The following TMTC2 variants were observed in gnomAD, a reference collection of about 807,000 sequenced individuals.
TMTC2 encodes the protein transmembrane O-mannosyltransferase targeting cadherins 2, also known as protein O-mannosyl-transferase TMTC2.
In TMTC2, 43 loss-of-function variants were observed where a neutral mutation model predicts 82.4. The ratio of observed to expected loss-of-function variants is 0.52; its 90% CI spans 0.41 to 0.67. The LOEUF (loss-of-function observed/expected upper bound fraction) is 0.67, where lower values mean the gene tolerates loss of function less well. Ranked by LOEUF, TMTC2 falls within the 30% of genes least tolerant of loss-of-function variation. The probability of loss-of-function intolerance (pLI) is 0.00; values close to 1 mark genes in which losing one functional copy is unlikely to be tolerated. For synonymous variants in TMTC2, 408 were observed against 381.9 expected, an observed-to-expected ratio of 1.07 and a Z score of -0.80; for missense variants, 919 against 1,012.4, an observed-to-expected ratio of 0.91 and a Z score of 1.25.
intron 8 of TMTC2, among the ~76,000 whole-genome samples, chr12:83,028,156 A>G (rs1054594299): frequency 3.9e-5 from 6 of 152,206 alleles, no homozygotes; most frequent in African/African-American, 1.4e-4. Flanking sequence ...GTCATTTATA[A>G]CTGCATTTTT....
intron 9 of TMTC2, among the ~76,000 whole-genome samples, chr12:83,045,756 G>GGCTC (rs1353696232): frequency 1.7e-5 from 1 of 58,964 alleles, no homozygotes; most frequent in Non-Finnish European, 3.2e-5. Flanking sequence ...CACACACCAG[G>GGCTC]AGTGTCTGGC....
chr12:83,085,242 T>C (rs949230005), intron 11 of TMTC2, among the ~76,000 whole-genome samples: 1 of 152,224 alleles, frequency 6.6e-6, no homozygotes, highest in African/African-American at 2.4e-5. Flanking sequence ...ACTATGCCTC[T>C]GAGAAAAGGT....
chr12:82,988,224 C>A (rs1363572677), intron 8 of TMTC2, among the ~76,000 whole-genome samples: 1 of 152,060 alleles, frequency 6.6e-6, no homozygotes, highest in Admixed American at 6.5e-5. Flanking sequence ...ATTTTTGCAA[C>A]TCAGAAAGCA....
At chr12:82,749,023 G>A (rs1221401949) in intron 1 of TMTC2, among the ~76,000 whole-genome samples, 1 of 152,176 alleles carries the variant, frequency 6.6e-6, no homozygotes, top group Non-Finnish European at 1.5e-5. Flanking sequence ...GTTTTTAGTG[G>A]TAGTTAAATG....
At chr12:82,982,408 CT>C (rs564106721) in intron 7 of TMTC2, among the ~76,000 whole-genome samples, 2 of 145,956 alleles carry the variant, frequency 1.4e-5, no homozygotes, top group African/African-American at 5.0e-5. Flanking sequence ...ATTGAGTTAC[CT>C]TTTTTTAACA....
rs780731300 is a variant in TMTC2 at position 82,896,390 on chromosome 12, G to A, written c.1227G>A (p.Thr409=). ...TAATCATACCCTTTGTTCCTGCCAC[G>A]AACCTGTTTTTCTATGTCGGCTTTG... ...SLLIIPFVPA[T]NLFFYVGFVI... is the part of the protein sequence containing the mutation. Residue 409 remains threonine, a synonymous_variant, in exon 3 of 12, where the codon ACG becomes ACA. Coordinates refer to ENST00000321196, the MANE Select transcript of TMTC2 (RefSeq NM_152588.3). 40 of 1,613,922 alleles carry A rather than the reference G, an allele frequency of 2.5e-5. No homozygotes were observed. Among genetic ancestry groups the A allele is most frequent in the Middle Eastern group, 1.6e-4 (1 of 6,084 alleles).
At chr12:82,798,807 CAAAA>C (rs544522111) in intron 1 of TMTC2, among the ~76,000 whole-genome samples, 3 of 88,368 alleles carry the variant, frequency 3.4e-5, no homozygotes, top group African/African-American at 4.4e-5. Context: ...AACTCCGTCT[CAAAA>C]AAAAAAAAAA....
intron 8 of TMTC2, among the ~76,000 whole-genome samples, chr12:83,006,345 T>G (rs1880203155): frequency 6.6e-6 from 1 of 152,198 alleles, no homozygotes; most frequent in Non-Finnish European, 1.5e-5. Context: ...GAGAGGCTCT[T>G]CCTGGGTGTG....
At chr12:83,127,923 A>C (rs1885145089) in intron 11 of TMTC2, among the ~76,000 whole-genome samples, 1 of 152,120 alleles carries the variant, frequency 6.6e-6, no homozygotes, top group Admixed American at 6.6e-5. Context: ...ATATATATCA[A>C]AAATATATCA....
chr12:82,875,098 G>C (rs1417425783), intron 2 of TMTC2, among the ~76,000 whole-genome samples: 2 of 152,104 alleles, frequency 1.3e-5, no homozygotes, highest in Non-Finnish European at 2.9e-5. Context: ...CAGACAAAGA[G>C]TGTGGTTGTG....
intron 1 of TMTC2, among the ~76,000 whole-genome samples, chr12:82,846,495 G>T (rs976007167): frequency 6.6e-6 from 1 of 152,126 alleles, no homozygotes; most frequent in African/African-American, 2.4e-5. Context: ...TTTAGCTGCA[G>T]CTGGGGCCAT....
At chr12:82,814,785 A>C (rs987540609) in intron 1 of TMTC2, among the ~76,000 whole-genome samples, 1 of 152,306 alleles carries the variant, frequency 6.6e-6, no homozygotes, top group South Asian at 2.1e-4. Context: ...GAGGAACATT[A>C]TTTTAGGAAG....
chr12:83,006,454 G>A (rs1372599179), intron 8 of TMTC2, among the ~76,000 whole-genome samples: 1 of 151,698 alleles, frequency 6.6e-6, no homozygotes, highest in Non-Finnish European at 1.5e-5. Context: ...TTTGTTATTC[G>A]AATCTTCTTT....
At chr12:82,696,261 A>G (rs573258118) in intron 1 of TMTC2, among the ~76,000 whole-genome samples, 1 of 152,370 alleles carries the variant, frequency 6.6e-6, no homozygotes, top group South Asian at 2.1e-4. Flanking sequence ...GCTGATAGGA[A>G]AAACTGGTAT....
chr12:82,888,795 A>G (rs1308175270), intron 2 of TMTC2, among the ~76,000 whole-genome samples: 1 of 152,102 alleles, frequency 6.6e-6, no homozygotes, highest in Non-Finnish European at 1.5e-5. Flanking sequence ...TCTAGAAGAG[A>G]GTGTTTTGAT....
At chr12:82,964,405 G>A (rs1227042153) in intron 4 of TMTC2, among the ~76,000 whole-genome samples, 1 of 152,024 alleles carries the variant, frequency 6.6e-6, no homozygotes, top group Non-Finnish European at 1.5e-5. Context: ...TCAGAACAGT[G>A]AACTGAAATT....
intron 1 of TMTC2, among the ~76,000 whole-genome samples, chr12:82,783,645 T>C: frequency 6.6e-6 from 1 of 152,126 alleles, no homozygotes; most frequent in East Asian, 1.9e-4. Context: ...ATGTGTTTAA[T>C]GCAAATCCGG....
intron 3 of TMTC2, among the ~76,000 whole-genome samples, chr12:82,900,831 AAT>A (rs1171636694): frequency 7.7e-6 from 1 of 130,706 alleles, no homozygotes. Flanking sequence ...ATATACCTGG[AAT>A]ATATATATAT....
intron 8 of TMTC2, among the ~76,000 whole-genome samples, chr12:83,004,206 C>T (rs1006413373): frequency 2.6e-5 from 4 of 152,172 alleles, no homozygotes; most frequent in African/African-American, 9.7e-5. Context: ...GAATTTTTCA[C>T]TTCCAGAACT....
Sources: allele counts gnomAD v4.1 joint callset (sites outside exome capture counted in the v4.1 genomes callset), GRCh38; gene constraint gnomAD v4.1.1; transcripts MANE v1.5; gene names NCBI Gene and HGNC (gene_info 2026-07-23, HGNC 2026-07-21).